The following RFC1 variants were observed in gnomAD, a reference collection of about 807,000 sequenced individuals.
RFC1 encodes replication factor C subunit 1.
Under a neutral mutation model 137.4 loss-of-function variants are expected in RFC1, and 37 were observed. That is an observed-to-expected ratio of 0.27 (90% confidence interval 0.21 to 0.35). The LOEUF (loss-of-function observed/expected upper bound fraction) is 0.35, where lower values mean the gene tolerates loss of function less well. RFC1 is among the 10% of genes least tolerant of loss of function. RFC1 has a pLI of 1.00. For missense variants in RFC1, 1,205 were observed against 1,358.5 expected (o/e 0.89, Z 1.78); for synonymous variants, 429 against 455.7 (o/e 0.94, Z 0.75).
At chr4:39,311,065 C>T (rs1258090067) in intron 12 of RFC1, among the ~76,000 whole-genome samples, 1 of 151,986 alleles carries the variant, frequency 6.6e-6, no homozygotes, top group Non-Finnish European at 1.5e-5. Flanking sequence ...CGCTTGAACC[C>T]AGGAGGCAGA....
intron 4 of RFC1, among the ~76,000 whole-genome samples, chr4:39,330,045 T>A (rs1044222403): frequency 1.1e-4 from 16 of 150,168 alleles, no homozygotes; most frequent in South Asian, 2.1e-4. Context: ...AAAAAAAAAT[T>A]TTTTTTTAAA....
chr4:39,350,543 C>T (rs1741133919), intron 2 of RFC1, among the ~76,000 whole-genome samples: 1 of 152,072 alleles, frequency 6.6e-6, no homozygotes, highest in Admixed American at 6.5e-5. Context: ...GGAGGCATCT[C>T]ATCAGATAAA....
chr4:39,304,974 T>C (rs768787561), intron 14 of RFC1, 46 bp from the exon 15 acceptor site: 9 of 1,099,076 alleles, frequency 8.2e-6, no homozygotes, highest in Non-Finnish European at 8.4e-6. Flanking sequence ...ACAAATTAAC[T>C]CCACCACCCC....
chr4:39,327,731 CT>C lies in RFC1; in HGVS notation c.356del (p.Lys119ArgfsTer23). On this transcript the variant is annotated frameshift_variant, in exon 5 of 25. Transcript: ENST00000349703. LOFTEE classifies it high-confidence loss of function. The stretch of plus-strand genomic sequence containing the variant: ...TCTCTTTTGATTTAGAGGCCGCCTT[CT>C]TACACATAAAGTCATCTTCTTCATC... ...ETDEEDDFMC[K>X]KAASKSKENG... 1 of 1,608,322 alleles carries C rather than the reference CT, an allele frequency of 6.2e-7. No homozygotes were observed.
chr4:39,295,168 C>T (rs540678664), intron 22 of RFC1, among the ~76,000 whole-genome samples: 1 of 152,338 alleles, frequency 6.6e-6, no homozygotes, highest in Non-Finnish European at 1.5e-5. Flanking sequence ...CCTCCTGTTA[C>T]ATGCTAAACT....
chr4:39,322,727 T>C (rs1006544578), intron 7 of RFC1, among the ~76,000 whole-genome samples: 14 of 150,930 alleles, frequency 9.3e-5, no homozygotes, highest in African/African-American at 3.4e-4. Context: ...TTCAGTGTGC[T>C]ATGAACGTGC....
At chr4:39,305,441 G>C (rs945156459) in intron 14 of RFC1, among the ~76,000 whole-genome samples, 1 of 151,658 alleles carries the variant, frequency 6.6e-6, no homozygotes, top group African/African-American at 2.4e-5. Flanking sequence ...ACCCCATCTC[G>C]ACTAAAAATA....
At position 39,345,471 on chromosome 4, in the gene RFC1, A is replaced by G. The variant is rs1740810163; in HGVS notation, c.138T>C (p.Asn46=). 1 of 1,610,960 alleles carries G rather than the reference A, an allele frequency of 6.2e-7. No individual in the cohort carries two copies. Among genetic ancestry groups the G allele is most frequent in the East Asian group, 2.2e-5 (1 of 44,860 alleles). Residue 46 remains asparagine (N), a synonymous_variant, in exon 3 of 25, where the codon AAT becomes AAC. Transcript: ENST00000349703. ...AKKGIKEIKV[N]SSRKEDDFKQ... is the part of the protein sequence containing the mutation. ...TGAAGTCATCCTCTTTACGGGAGCT[A>G]TTTACCTATAAACATCACAATATAA...
At chr4:39,321,401 G>A in intron 7 of RFC1, 27 bp from the exon 8 acceptor site, 2 of 1,586,610 alleles carry the variant, frequency 1.3e-6, no homozygotes, top group Non-Finnish European at 1.7e-6. Flanking sequence ...AGTGTCAAAT[G>A]TGACAAATAA....
intron 21 of RFC1, 133 bp downstream of exon 21, chr4:39,299,888 C>G: frequency 3.2e-6 from 2 of 634,714 alleles, no homozygotes; most frequent in South Asian, 3.9e-5. Context: ...ACACTCCAGC[C>G]CGGGCAACAG....
At chr4:39,353,681 T>A (rs1741326387) in intron 1 of RFC1, among the ~76,000 whole-genome samples, 1 of 152,206 alleles carries the variant, frequency 6.6e-6, no homozygotes, top group Admixed American at 6.5e-5. Context: ...GAGTTTCGTA[T>A]CAGTTTCACT....
chr4:39,342,293 A>C, intron 4 of RFC1, 52 bp downstream of exon 4: 8 of 1,536,422 alleles, frequency 5.2e-6, no homozygotes, highest in Non-Finnish European at 7.0e-6. Flanking sequence ...ACCAACAAAA[A>C]ACTCAAGAAC....
chr4:39,308,702 A>C lies in RFC1; in HGVS notation c.1819T>G (p.Cys607Gly). ...AGCCAGCGTAGGAGTTTGTTGGCAC[A>C]GCTCTGGTCACCTTGCTGTCCAATT... is the stretch of plus-strand genomic sequence containing the variant. ...TIIGQQGDQSCANKLLRWLRN... is the reference protein window; with the variant it reads ...TIIGQQGDQSGANKLLRWLRN... Residue 607 changes from cysteine to glycine, a missense_variant, in exon 13 of 25, where the codon TGT (cysteine) becomes GGT (glycine). Coordinates refer to ENST00000349703, the MANE Select transcript of RFC1 (RefSeq NM_002913.5). The C allele has an allele frequency of 1.2e-6, 2 of 1,614,182 alleles. No homozygotes were observed. Among genetic ancestry groups the C allele is most frequent in the Non-Finnish European group, 1.7e-6 (2 of 1,180,018 alleles).
chr4:39,303,490 G>A (rs1305886815), intron 15 of RFC1, among the ~76,000 whole-genome samples: 1 of 151,156 alleles, frequency 6.6e-6, no homozygotes, highest in Non-Finnish European at 1.5e-5. Flanking sequence ...AGTTTCACTC[G>A]TTGCCCAAGC....
chr4:39,311,375 C>G lies in RFC1; in HGVS notation c.1488+70G>C, dbSNP rs920137902. 1.6e-4 allele frequency: 210 copies of G among 1,295,680 alleles called. No individual in the cohort carries two copies. In the Admixed American group the frequency reaches 3.7e-3, roughly 23 times the overall value. The allele number at this position is 1,295,680 out of a possible 1,614,324, so 80.3% of individuals were successfully genotyped here. On this transcript the variant is annotated intron_variant, in intron 12 of 24. Coordinates refer to ENST00000349703, the MANE Select transcript of RFC1 (RefSeq NM_002913.5). ...TTTCAGCCAACAAGCCTGTATCCACCCAAGACATATGTCTATGAAATTAAA... is the reference window on the plus strand; with the variant it reads ...TTTCAGCCAACAAGCCTGTATCCACGCAAGACATATGTCTATGAAATTAAA...
intron 1 of RFC1, among the ~76,000 whole-genome samples, chr4:39,365,161 A>AAG (rs1386573939): frequency 5.3e-5 from 8 of 150,060 alleles, no homozygotes; most frequent in Non-Finnish European, 1.2e-4. Flanking sequence ...ATGAAAAAAA[A>AAG]AAAAAAAAAA....
chr4:39,294,241 T>G (rs1426883584), intron 22 of RFC1, among the ~76,000 whole-genome samples: 2 of 152,154 alleles, frequency 1.3e-5, no homozygotes, highest in African/African-American at 2.4e-5. Context: ...TAAAATAGAA[T>G]TTTACAGGAA....
intron 4 of RFC1, among the ~76,000 whole-genome samples, chr4:39,342,133 T>C (rs892050351): frequency 3.3e-5 from 5 of 152,074 alleles, no homozygotes; most frequent in Admixed American, 3.3e-4. Flanking sequence ...TACAAGCACT[T>C]AAAAAAAATT....
At position 39,303,150 on chromosome 4, in the gene RFC1, A is replaced by G. The variant is rs777334711; in HGVS notation, c.2112T>C (p.Asn704=). 10 of 1,611,060 alleles carry G rather than the reference A, an allele frequency of 6.2e-6. No individual in the cohort carries two copies. The highest frequency in any genetic ancestry group is 1.6e-4 in the Middle Eastern group (1 of 6,062). ...NNTSIKGFYS[N]GAASSVSTKH... is the part of the protein sequence containing the mutation. ...TCGTGCTTACTGAAGAGGCTGCTCC[A>G]TCTGACCCAGGTTGAGGAGCAATGG... Residue 704 remains asparagine (N), a splice_region_variant and synonymous_variant, in exon 16 of 25, where the codon AAT becomes AAC. Transcript: ENST00000349703.
Sources: gnomAD v4.1 joint callset for allele counts (sites outside exome capture counted in the v4.1 genomes callset) on GRCh38, gnomAD v4.1.1 for gene constraint, MANE v1.5 for transcripts, NCBI Gene and HGNC (gene_info 2026-07-23, HGNC 2026-07-21) for gene names.